ADSS1: variants seen among roughly 807,000 people sequenced by gnomAD.
ADSS1 encodes adenylosuccinate synthetase isozyme 1.
A neutral mutation model predicts 59.1 loss-of-function variants in ADSS1; 57 were observed. That is an observed-to-expected ratio of 0.97 (90% CI 0.78 to 1.20). The LOEUF is 1.20. Among genes scored for constraint, ADSS1 ranks in the 50% most tolerant of loss-of-function variants. ADSS1 has a pLI of 0.00. For missense variants in ADSS1, 603 were observed against 610.3 expected, an observed-to-expected ratio of 0.99 and a Z score of 0.13; for synonymous variants, 247 against 249.4, an observed-to-expected ratio of 0.99 and a Z score of 0.09.
At chr14:104,731,509 G>A (rs57098433) in intron 1 of ADSS1, among the ~76,000 whole-genome samples, 56,361 of 152,070 alleles carry the variant, frequency 0.37, 10,746 homozygotes, top group East Asian at 0.57. Context: ...GTAAATGCAG[G>A]ACTCTGCAGC....
chr14:104,726,334 G>A (rs1490449343), intron 1 of ADSS1, among the ~76,000 whole-genome samples: 1 of 152,232 alleles, frequency 6.6e-6, no homozygotes, highest in African/African-American at 2.4e-5. Flanking sequence ...TGATAGCCCA[G>A]GGCCTGGCCC....
At chr14:104,725,524 CGAGCCCCTCCTGCCG>C (rs1379258927) in intron 1 of ADSS1, among the ~76,000 whole-genome samples, 1 of 152,026 alleles carries the variant, frequency 6.6e-6, no homozygotes, top group East Asian at 1.9e-4. Flanking sequence ...CAGGGCTGTC[CGAGCCCCTCCTGCCG>C]GAAGGGACTG....
Position 104,740,468 on chromosome 14 carries a change from C to T in ADSS1, c.477-133C>T. On this transcript the variant is annotated intron_variant, in intron 5 of 12. Coordinates refer to ENST00000330877, the MANE Select transcript of ADSS1 (RefSeq NM_152328.5). The surrounding 1 kb of genome is among the most constrained non-coding windows in gnomAD (Gnocchi z 4.8). ...GCGTACACCCACACACGCACACACTCACAGCTCAGCCAGACACAGGCAGCA... is the reference window on the plus strand; with the variant it reads ...GCGTACACCCACACACGCACACACTTACAGCTCAGCCAGACACAGGCAGCA... 1 of 775,046 alleles carries T rather than the reference C, an allele frequency of 1.3e-6. No individual in the cohort carries two copies. 48.0% of individuals were successfully genotyped at this position (775,046 alleles called of 1,614,324 possible).
chr14:104,730,545 C>T (rs991399409), intron 1 of ADSS1, among the ~76,000 whole-genome samples: 2 of 152,012 alleles, frequency 1.3e-5, no homozygotes, highest in Non-Finnish European at 2.9e-5. Flanking sequence ...TTTTGGCAGC[C>T]CTGGAGACTA....
chr14:104,745,148 G>A, intron 11 of ADSS1: 1 of 486,840 alleles, frequency 2.1e-6, no homozygotes, highest in Non-Finnish European at 3.7e-6. Context: ...AGTGTTTTGG[G>A]AATGGCTCAG....
Position 104,744,827 on chromosome 14 carries a change from GCTGGACATC to G in ADSS1, c.1096_1104del (p.Ile366_Asp368del). ...CTTTCCACAGGCTGGCCCTGACGAA[GCTGGACATC>G]CTGGACGTACTGGGTGAGGTTAAAG... On this transcript the variant is annotated inframe_deletion, in exon 11 of 13. Coordinates refer to ENST00000330877, the MANE Select transcript of ADSS1 (RefSeq NM_152328.5). 6.2e-7 allele frequency: 1 copy of G among 1,614,216 alleles called. No individual in the cohort carries two copies. Among genetic ancestry groups the G allele is most frequent in the East Asian group, 2.2e-5 (1 of 44,888 alleles).
At chr14:104,742,132 A>G in intron 9 of ADSS1, 130 bp downstream of exon 9, 2 of 1,355,196 alleles carry the variant, frequency 1.5e-6, no homozygotes, top group Non-Finnish European at 1.0e-6. Context: ...ATCTCCCACC[A>G]GGGCGCTTCC....
chr14:104,739,327 G>C lies in ADSS1; in HGVS notation c.359-1G>C. On this transcript the variant is annotated splice_acceptor_variant, in intron 3 of 12. Coordinates refer to ENST00000330877, the MANE Select transcript of ADSS1 (RefSeq NM_152328.5). LOFTEE classifies it high-confidence loss of function. ...CCCACCTGTGTGCCGTGTCCCCGCA[G>C]GCCTGAAGGACTGGGAGAAGAGGCT... The C allele has an allele frequency of 6.2e-7, 1 of 1,608,420 alleles. No homozygotes were observed. Among genetic ancestry groups the C allele is most frequent in the South Asian group, 1.1e-5 (1 of 89,558 alleles).
At position 104,743,093 on chromosome 14, in the gene ADSS1, C is replaced by T. The variant is rs201576945; in HGVS notation, c.975C>T (p.Arg325=). 64 of 1,613,108 alleles carry T rather than the reference C, an allele frequency of 4.0e-5. No individual in the cohort carries two copies. The highest frequency in any genetic ancestry group is 5.0e-5 in the Admixed American group (3 of 60,030). Residue 325 remains arginine (R), a synonymous_variant, in exon 10 of 13, where the codon CGC becomes CGT. Transcript: ENST00000330877. ...INEIGGLLQT[R]GHEWGVTTGR... is the part of the protein sequence containing the mutation. ...AGATTGGAGGCCTGCTGCAGACCCG[C>T]GGCCACGAGTGGGGAGTGACCACAG... is the stretch of plus-strand genomic sequence containing the variant.
At chr14:104,739,501 C>A in intron 4 of ADSS1, 123 bp downstream of exon 4, 2 of 1,166,220 alleles carry the variant, frequency 1.7e-6, no homozygotes, top group Non-Finnish European at 2.5e-6. Context: ...CCACATGGCT[C>A]CATTAGCTTG....
rs750527876 is a variant in ADSS1, at chr14:104,742,019, T to G, written c.948+17T>G. Reference sequence around the variant, plus strand: ...CAGATCAACGTGAGTCCCCAGCCCCTCGGGACCCCGTGGGAGGACAGGGAG... The same window carrying G: ...CAGATCAACGTGAGTCCCCAGCCCCGCGGGACCCCGTGGGAGGACAGGGAG... On this transcript the variant is annotated intron_variant, in intron 9 of 12. Coordinates refer to ENST00000330877, the MANE Select transcript of ADSS1 (RefSeq NM_152328.5). 4 of 1,611,260 alleles carry G rather than the reference T, an allele frequency of 2.5e-6. No homozygotes were observed. The highest frequency in any genetic ancestry group is 3.4e-6 in the Non-Finnish European group (4 of 1,179,208).
At position 104,726,089 on chromosome 14, in the gene ADSS1, G is replaced by A. The variant is rs542939776; in HGVS notation, c.192+1627G>A. 1.3e-4 allele frequency among the ~76,000 whole-genome samples: 20 copies of A among 152,050 alleles called. No individual in the cohort carries two copies. The South Asian group carries it at 2.1e-3, about 16-fold the overall frequency. On this transcript the variant is annotated intron_variant, in intron 1 of 12. Coordinates refer to ENST00000330877, the MANE Select transcript of ADSS1 (RefSeq NM_152328.5). ...GCACTCCGGCCACCAGGCTGCCCCC[G>A]CCAGGCCACCCCCACCAGGCCACCC...
Position 104,741,834 on chromosome 14 carries a change from GCT to G in ADSS1, c.794-11_794-10del. 1 of 1,612,842 alleles carries G rather than the reference GCT, an allele frequency of 6.2e-7. No homozygotes were observed. Among genetic ancestry groups the G allele is most frequent in the African/African-American group, 1.3e-5 (1 of 75,054 alleles). On this transcript the variant is annotated splice_polypyrimidine_tract_variant and intron_variant, in intron 8 of 12. Transcript: ENST00000330877. The stretch of plus-strand genomic sequence containing the variant: ...GGGTGACAGGTAGCCCCCTAAACCT[GCT>G]CTGTCTTGCAGGGACCTACCCCTTT...
chr14:104,745,042 G>A (rs1891506062), intron 11 of ADSS1, 133 bp downstream of exon 11: 7 of 745,552 alleles, frequency 9.4e-6, no homozygotes, highest in Admixed American at 7.0e-5. Flanking sequence ...TGTCTCCAGT[G>A]ACCAGCCTCC....
At chr14:104,725,373 G>C (rs1890689686) in intron 1 of ADSS1, among the ~76,000 whole-genome samples, 1 of 152,316 alleles carries the variant, frequency 6.6e-6, no homozygotes. Context: ...GGGGTTTGGA[G>C]CCTGCCTGGG....
intron 5 of ADSS1, 131 bp downstream of exon 5, chr14:104,739,947 C>T (rs2140804987): frequency 1.0e-6 from 1 of 986,192 alleles, no homozygotes; most frequent in East Asian, 2.6e-5. Context: ...TGGAGAATGG[C>T]ACCGTCAAAA....
At chr14:104,739,416 T>C in intron 4 of ADSS1, 38 bp downstream of exon 4, 1 of 1,583,784 alleles carries the variant, frequency 6.3e-7, no homozygotes, top group Non-Finnish European at 8.6e-7. Flanking sequence ...CAGCCCCTCC[T>C]GCCCCCACCA....
In ADSS1 at chr14:104,724,300, G is replaced by GC. The variant is rs781559734; in HGVS notation, c.36dup (p.Gly13ArgfsTer99). On this transcript the variant is annotated frameshift_variant, in exon 1 of 13. Coordinates refer to ENST00000330877, the MANE Select transcript of ADSS1 (RefSeq NM_152328.5). LOFTEE classifies it high-confidence loss of function. ...CGGGGACCCGAGCCTCCAACGACCG[G>GC]CCCCCCGGCGCAGGCGGCGTCAAGC... 16 of 1,233,212 alleles carry GC rather than the reference G, an allele frequency of 1.3e-5. No individual in the cohort carries two copies. The highest frequency in any genetic ancestry group is 9.5e-5 in the East Asian group (3 of 31,538). The allele number at this position is 1,233,212 out of a possible 1,614,324, so 76.4% of individuals were successfully genotyped here.
In ADSS1 at chr14:104,744,929, C is replaced by T. The variant is rs1327306827; in HGVS notation, c.1171+20C>T. 2.5e-6 allele frequency: 4 copies of T among 1,609,902 alleles called. No individual in the cohort carries two copies. Among genetic ancestry groups the T allele is most frequent in the Non-Finnish European group, 2.5e-6 (3 of 1,176,476 alleles). On this transcript the variant is annotated intron_variant, in intron 11 of 12. Coordinates refer to ENST00000330877, the MANE Select transcript of ADSS1 (RefSeq NM_152328.5). ...TCCCAGGTATGTGAAGTGGGGCAAC[C>T]GTTCTGCCTGTTGGGCCGTTTCATG...
Sources: allele counts gnomAD v4.1 joint callset (sites outside exome capture counted in the v4.1 genomes callset), GRCh38; gene constraint gnomAD v4.1.1; non-coding constraint Gnocchi (gnomAD v3.1); transcripts MANE v1.5; gene names NCBI Gene and HGNC (gene_info 2026-07-23, HGNC 2026-07-21).